The following PCDHA9 variants were observed in gnomAD, a reference collection of about 807,000 sequenced individuals.
PCDHA9 encodes the protein protocadherin alpha-9.
PCDHA9 carries 62 observed loss-of-function variants against 62.0 expected under a neutral mutation model. The ratio of observed to expected loss-of-function variants is 1.00; its 90% CI spans 0.81 to 1.23. PCDHA9 has a LOEUF of 1.23. Ranked by LOEUF, PCDHA9 falls within the 50% of genes most tolerant of loss-of-function variation. The probability of loss-of-function intolerance (pLI) is 0.00; values close to 1 mark genes in which losing one functional copy is unlikely to be tolerated. For synonymous variants in PCDHA9, 557 were observed against 567.6 expected, an observed-to-expected ratio of 0.98 and a Z score of 0.27; for missense variants, 1,205 against 1,249.8, an observed-to-expected ratio of 0.96 and a Z score of 0.54.
At chr5:140,978,594 G>C (rs184264823) in intron 1 of PCDHA9, among the ~76,000 whole-genome samples, 31 of 152,288 alleles carry the variant, frequency 2.0e-4, no homozygotes, top group African/African-American at 7.5e-4. Flanking sequence ...CCCTTAATGG[G>C]GCACTTGAGG....
At chr5:140,851,474 T>C in intron 1 of PCDHA9, 9 of 889,824 alleles carry the variant, frequency 1.0e-5, no homozygotes, top group Non-Finnish European at 1.2e-5. Context: ...TCAATAAATG[T>C]TATAAACACA....
chr5:140,850,309 C>T lies in PCDHA9; in HGVS notation c.1814C>T (p.Ala605Val), dbSNP rs2150478880. The stretch of plus-strand genomic sequence containing the variant: ...GTGGACGCCGACTCGGGCTACAACG[C>T]GTGGCTTTCATACGAGCTGCAGCCA... ...RAVDADSGYNAWLSYELQPET... is the reference protein window; with the variant it reads ...RAVDADSGYNVWLSYELQPET... The change falls in exon 1 of 4, where the codon GCG becomes GTG. Residue 605 changes from alanine (A) to valine (V), a missense_variant. This residue lies in a region of PCDHA9 where 887 missense variants were observed against 809.5 expected (regional missense o/e 1.10). Coordinates refer to ENST00000532602, the MANE Select transcript of PCDHA9 (RefSeq NM_031857.2). 1.7e-5 allele frequency: 27 copies of T among 1,597,088 alleles called. 3 individuals carry two copies. Among genetic ancestry groups the T allele is most frequent in the Non-Finnish European group, 2.3e-5 (27 of 1,167,652 alleles).
chr5:140,998,491 A>G (rs994652769), intron 3 of PCDHA9, among the ~76,000 whole-genome samples: 15 of 152,288 alleles, frequency 9.8e-5, no homozygotes, highest in African/African-American at 3.1e-4. Flanking sequence ...TAACTCTTTG[A>G]GAACAGGGTA....
At chr5:140,909,186 A>G (rs552786721) in intron 1 of PCDHA9, among the ~76,000 whole-genome samples, 1 of 152,336 alleles carries the variant, frequency 6.6e-6, no homozygotes, top group Admixed American at 6.5e-5. Context: ...TCCAAACAAG[A>G]TTATGACACA....
At chr5:140,910,028 T>C (rs1402911275) in intron 1 of PCDHA9, among the ~76,000 whole-genome samples, 4 of 152,222 alleles carry the variant, frequency 2.6e-5, no homozygotes, top group African/African-American at 9.6e-5. Flanking sequence ...ATCCCTGGGA[T>C]AAATCCCACT....
In PCDHA9 at chr5:140,895,957, C is replaced by G. The variant is rs186458993; in HGVS notation, c.2394+45068C>G. Among the ~76,000 whole-genome samples, 2 of 152,196 alleles carry G rather than the reference C, an allele frequency of 1.3e-5. 1 individual carries two copies. Among genetic ancestry groups the G allele is most frequent in the Admixed American group, 1.3e-4 (2 of 15,284 alleles). On this transcript the variant is annotated intron_variant, in intron 1 of 3. Transcript: ENST00000532602. Reference sequence around the variant, plus strand: ...TCCCGAGTAGCTGGGATTACAGGTGCCTGTCACCAGGCCTAGCTAATTTTT... The same window carrying G: ...TCCCGAGTAGCTGGGATTACAGGTGGCTGTCACCAGGCCTAGCTAATTTTT...
intron 1 of PCDHA9, chr5:140,862,802 T>C (rs1554156982): frequency 1.7e-6 from 1 of 577,736 alleles, no homozygotes; most frequent in Non-Finnish European, 3.3e-6. Flanking sequence ...GAGCTGGAGC[T>C]GCTGCAGTTC....
At chr5:140,890,533 T>C (rs2062686259) in intron 1 of PCDHA9, among the ~76,000 whole-genome samples, 1 of 152,234 alleles carries the variant, frequency 6.6e-6, no homozygotes, top group South Asian at 2.1e-4. Context: ...TTGATCTTCT[T>C]TTGAAATGAC....
chr5:140,984,478 A>G (rs1374350616), intron 3 of PCDHA9, among the ~76,000 whole-genome samples: 1 of 152,078 alleles, frequency 6.6e-6, no homozygotes, highest in Non-Finnish European at 1.5e-5. Flanking sequence ...TGTATAACCC[A>G]TTTTATCCAG....
intron 1 of PCDHA9, chr5:140,881,920 T>G (rs1205220705): frequency 1.2e-5 from 3 of 257,650 alleles, no homozygotes; most frequent in African/African-American, 6.6e-5. Flanking sequence ...TTGAGCAGAA[T>G]GCAGTGATTT....
chr5:140,887,101 CTTT>C (rs200717289), intron 1 of PCDHA9, among the ~76,000 whole-genome samples: 1 of 145,292 alleles, frequency 6.9e-6, no homozygotes, highest in African/African-American at 2.5e-5. Flanking sequence ...ATCTTTATCT[CTTT>C]TTTTTTTTTT....
chr5:140,934,001 T>A (rs2089559391), intron 1 of PCDHA9, among the ~76,000 whole-genome samples: 1 of 152,066 alleles, frequency 6.6e-6, no homozygotes, highest in Admixed American at 6.6e-5. Context: ...TCACCTCTCA[T>A]TTTTCTTGAC....
At chr5:140,900,369 CTGGGT>C (rs1554189090) in intron 1 of PCDHA9, among the ~76,000 whole-genome samples, 2 of 152,158 alleles carry the variant, frequency 1.3e-5, no homozygotes, top group Non-Finnish European at 2.9e-5. Flanking sequence ...CCTCTGCCTC[CTGGGT>C]TCAAGCGATT....
chr5:140,971,799 TTA>T (rs1435483264), intron 1 of PCDHA9, among the ~76,000 whole-genome samples: 2 of 152,164 alleles, frequency 1.3e-5, no homozygotes, highest in East Asian at 3.8e-4. Flanking sequence ...ATATTGAATA[TTA>T]TAATATTGAA....
At chr5:140,966,792 C>T (rs1182470326) in intron 1 of PCDHA9, 4 of 1,530,564 alleles carry the variant, frequency 2.6e-6, no homozygotes, top group Non-Finnish European at 2.6e-6. Context: ...ACCAGACCTG[C>T]GGCGACAGAG....
intron 1 of PCDHA9, among the ~76,000 whole-genome samples, chr5:140,912,343 ATTT>A (rs35252606): frequency 2.8e-5 from 4 of 143,838 alleles, no homozygotes; most frequent in African/African-American, 5.1e-5. Context: ...TACACTAAGT[ATTT>A]TTTTTTTTTT....
At chr5:140,909,851 G>A (rs555110598) in intron 1 of PCDHA9, among the ~76,000 whole-genome samples, 17 of 152,228 alleles carry the variant, frequency 1.1e-4, no homozygotes, top group East Asian at 3.9e-4. Flanking sequence ...GGACGTTTTC[G>A]GTCCCCTGGA....
chr5:140,969,704 T>A (rs1317094729), intron 1 of PCDHA9, among the ~76,000 whole-genome samples: 2 of 152,172 alleles, frequency 1.3e-5, no homozygotes, highest in African/African-American at 4.8e-5. Context: ...TGCTGTATCA[T>A]CTACAGGGAA....
chr5:140,862,637 TCA>T (rs1396343286), intron 1 of PCDHA9: 1 of 539,612 alleles, frequency 1.9e-6, no homozygotes, highest in Admixed American at 1.9e-5. Flanking sequence ...TGCCACGACT[TCA>T]CAGTGTCCGC....
Sources: gnomAD v4.1 joint callset for allele counts (sites outside exome capture counted in the v4.1 genomes callset) on GRCh38, gnomAD v4.1.1 for gene constraint, gnomAD v4.1.1 regional missense constraint, MANE v1.5 for transcripts, NCBI Gene and HGNC (gene_info 2026-07-23, HGNC 2026-07-21) for gene names.